The following ANKRD11 variants were observed in gnomAD, a reference collection of about 807,000 sequenced individuals.
ANKRD11 encodes the protein ankyrin repeat domain 11.
In ANKRD11, 17 loss-of-function variants were observed where a neutral mutation model predicts 195.7. That is an observed-to-expected ratio of 0.09 (90% CI 0.06 to 0.13). The LOEUF (loss-of-function observed/expected upper bound fraction) is 0.13. Among genes scored for constraint, ANKRD11 ranks in the 10% least tolerant of loss-of-function variants. The pLI, the probability that ANKRD11 is intolerant of heterozygous loss-of-function variation, is 1.00. For missense variants in ANKRD11, 3,735 were observed against 3,566.1 expected (o/e 1.05, Z -1.21); for synonymous variants, 1,953 against 1,528.1 (o/e 1.28, Z -6.49).
intron 4 of ANKRD11, chr16:89,300,927 C>A (rs771377383): frequency 1.3e-5 from 9 of 698,836 alleles, no homozygotes; most frequent in Non-Finnish European, 2.3e-5. Context: ...AGGGCTCCCT[C>A]GTGGCTGCCC....
chr16:89,439,810 T>C (rs544093936), intron 1 of ANKRD11, among the ~76,000 whole-genome samples: 1 of 152,306 alleles, frequency 6.6e-6, no homozygotes, highest in East Asian at 1.9e-4. Flanking sequence ...TGGAACGTTT[T>C]CATTCCCAAT....
chr16:89,408,790 T>A (rs575559450), intron 2 of ANKRD11, among the ~76,000 whole-genome samples: 1 of 152,332 alleles, frequency 6.6e-6, no homozygotes, highest in South Asian at 2.1e-4. Context: ...TAAACATCTT[T>A]TGAGGCCTAC....
chr16:89,429,029 T>TG (rs999714572), intron 1 of ANKRD11, among the ~76,000 whole-genome samples: 1 of 151,582 alleles, frequency 6.6e-6, no homozygotes, highest in Non-Finnish European at 1.5e-5. Context: ...AAATGGGGGT[T>TG]GGGGGGAGGG....
chr16:89,273,327 T>C (rs2033346717), intron 11 of ANKRD11, among the ~76,000 whole-genome samples: 1 of 152,170 alleles, frequency 6.6e-6, no homozygotes, highest in Admixed American at 6.5e-5. Flanking sequence ...CATCACAGCC[T>C]CTCACCTGCG....
intron 1 of ANKRD11, among the ~76,000 whole-genome samples, chr16:89,443,839 G>C (rs1197764657): frequency 1.3e-5 from 2 of 152,242 alleles, no homozygotes; most frequent in African/African-American, 2.4e-5. Flanking sequence ...AGGCCCGTGA[G>C]TGCAGAGCAA....
intron 2 of ANKRD11, among the ~76,000 whole-genome samples, chr16:89,413,818 C>G (rs1597332057): frequency 6.6e-6 from 1 of 152,116 alleles, no homozygotes; most frequent in East Asian, 1.9e-4. Flanking sequence ...CCACAACGCC[C>G]TAGGATGCAG....
chr16:89,366,429 A>C (rs1000777783), intron 2 of ANKRD11, among the ~76,000 whole-genome samples: 1 of 152,152 alleles, frequency 6.6e-6, no homozygotes, highest in Non-Finnish European at 1.5e-5. Context: ...GGTTGAACTA[A>C]TTTACACTCC....
rs1165680827 is a variant in ANKRD11 at position 89,337,429 on chromosome 16, C to CTTTTTTTTTTTTTT, written c.-59-20365_-59-20352dup. Reference sequence around the variant, plus strand: ...ATACATGAACATGGTCTAAGCAATTCTTTTTTTTTTTTTTTTTTTTTTTTT... The same window carrying CTTTTTTTTTTTTTT: ...ATACATGAACATGGTCTAAGCAATTCTTTTTTTTTTTTTTTTTTTTTTTTTTTTTTTTTTTTTTT... On this transcript the variant is annotated intron_variant, in intron 2 of 12. Coordinates refer to ENST00000301030, the MANE Select transcript of ANKRD11 (RefSeq NM_013275.6). 1.9e-3 allele frequency among the ~76,000 whole-genome samples: 102 copies of CTTTTTTTTTTTTTT among 53,132 alleles called. 30 individuals carry two copies. Among genetic ancestry groups the CTTTTTTTTTTTTTT allele is most frequent in the South Asian group, 6.1e-3 (5 of 816 alleles). The allele number at this position is 53,132 out of a possible 152,430, so 34.9% of individuals were successfully genotyped here.
rs74033789 is a variant in ANKRD11 at position 89,392,450 on chromosome 16, G to A, written c.-60+25834C>T. On this transcript the variant is annotated intron_variant, in intron 2 of 12. Transcript: ENST00000301030. Reference sequence around the variant, plus strand: ...CTTACATTTTCTACAATGGGTAAACGATGGAAATAAGAAAAACAATGTTTA... The same window carrying A: ...CTTACATTTTCTACAATGGGTAAACAATGGAAATAAGAAAAACAATGTTTA... The A allele has an allele frequency of 2.2e-3, 337 of 152,180 alleles. 3 individuals are homozygous for A. Among genetic ancestry groups the A allele is most frequent in the African/African-American group, 7.9e-3 (326 of 41,500 alleles). The allele number at this position is 152,180 out of a possible 1,614,324, so 9.4% of individuals were successfully genotyped here.
At chr16:89,409,102 C>T (rs1055098886) in intron 2 of ANKRD11, among the ~76,000 whole-genome samples, 1 of 152,182 alleles carries the variant, frequency 6.6e-6, no homozygotes, top group African/African-American at 2.4e-5. Flanking sequence ...GGGGCCCAGG[C>T]CAGTGAGCCC....
At chr16:89,357,237 G>A (rs1288604782) in intron 2 of ANKRD11, among the ~76,000 whole-genome samples, 2 of 152,128 alleles carry the variant, frequency 1.3e-5, no homozygotes, top group Non-Finnish European at 2.9e-5. Context: ...AACACACCCA[G>A]GATTCACCTC....
At chr16:89,424,485 G>A (rs1162354148) in intron 1 of ANKRD11, among the ~76,000 whole-genome samples, 1 of 151,628 alleles carries the variant, frequency 6.6e-6, no homozygotes, top group Non-Finnish European at 1.5e-5. Context: ...CATTTCTGCT[G>A]TTCTGTGTGT....
At chr16:89,270,762 C>G (rs2033077626) in intron 12 of ANKRD11, 55 bp downstream of exon 12, 6 of 1,581,934 alleles carry the variant, frequency 3.8e-6, no homozygotes, top group Admixed American at 3.4e-5. Flanking sequence ...CCACCCATCA[C>G]AGAACTGGGC....
chr16:89,351,267 C>G (rs993422432), intron 2 of ANKRD11, among the ~76,000 whole-genome samples: 8 of 152,128 alleles, frequency 5.3e-5, no homozygotes, highest in Admixed American at 5.2e-4. Context: ...CATCACCCCA[C>G]GCCCACAGGC....
chr16:89,268,674 C>T lies in ANKRD11; in HGVS notation c.7807-11G>A. 2 of 1,579,876 alleles carry T rather than the reference C, an allele frequency of 1.3e-6. No individual in the cohort carries two copies. Among genetic ancestry groups the T allele is most frequent in the South Asian group, 1.2e-5 (1 of 86,712 alleles). ...CATGAGGAGGCAAGTCTGCGGGACA[C>T]ACAGCGGGGAGAGGAGGGAGGAGGA... On this transcript the variant is annotated splice_polypyrimidine_tract_variant and intron_variant, in intron 12 of 12. Coordinates refer to ENST00000301030, the MANE Select transcript of ANKRD11 (RefSeq NM_013275.6).
chr16:89,416,574 AG>A, intron 2 of ANKRD11, among the ~76,000 whole-genome samples: 1 of 152,222 alleles, frequency 6.6e-6, no homozygotes, highest in Admixed American at 6.5e-5. Flanking sequence ...CTGGGATTAC[AG>A]GCGTGAGCCA....
At chr16:89,317,116 G>A in intron 2 of ANKRD11, 38 bp from the exon 3 acceptor site, 1 of 1,379,348 alleles carries the variant, frequency 7.2e-7, no homozygotes, top group Non-Finnish European at 1.0e-6. Context: ...TGAATTCAGA[G>A]GCAGCTCAAA....
intron 2 of ANKRD11, among the ~76,000 whole-genome samples, chr16:89,381,017 G>C (rs749714468): frequency 3.9e-5 from 6 of 152,054 alleles, no homozygotes; most frequent in Admixed American, 2.0e-4. Flanking sequence ...GTAAACAATC[G>C]ATCCAAAAAG....
chr16:89,371,018 G>GT (rs2040168948), intron 2 of ANKRD11, among the ~76,000 whole-genome samples: 1 of 152,174 alleles, frequency 6.6e-6, no homozygotes, highest in Non-Finnish European at 1.5e-5. Flanking sequence ...AGAAAAATGT[G>GT]TTTGGCAATG....
Sources: gnomAD v4.1 joint callset for allele counts (sites outside exome capture counted in the v4.1 genomes callset) on GRCh38, gnomAD v4.1.1 for gene constraint, MANE v1.5 for transcripts, NCBI Gene and HGNC (gene_info 2026-07-23, HGNC 2026-07-21) for gene names.